The following UNKL variants were observed in gnomAD, a reference collection of about 807,000 sequenced individuals.
UNKL encodes the protein unk like zinc finger.
UNKL carries 60 observed loss-of-function variants against 78.0 expected under a neutral mutation model. The ratio of observed to expected loss-of-function variants is 0.77; its 90% confidence interval spans 0.63 to 0.95. UNKL has a LOEUF of 0.95. Among genes scored for constraint, UNKL ranks in the 40% least tolerant of loss-of-function variants. The pLI, the probability that UNKL is intolerant of heterozygous loss-of-function variation, is 0.00. For missense variants in UNKL, 1,159 were observed against 1,045.7 expected (o/e 1.11, Z -1.49); for synonymous variants, 608 against 474.8 (o/e 1.28, Z -3.65).
Position 1,367,184 on chromosome 16 carries a change from G to C in UNKL, c.1954C>G (p.Leu652Val). Reference sequence around the variant, plus strand: ...GTGCCGATGTCCCCACAGCCCCGCAGCCCCGGCAGTGTGGAGGCTACGCCC... The same window carrying C: ...GTGCCGATGTCCCCACAGCCCCGCACCCCCGGCAGTGTGGAGGCTACGCCC... ...GLGVASTLPG[L>V]RGCGDIGTIP... The change falls in exon 14 of 15, where the codon CTG becomes GTG. Residue 652 changes from leucine (L) to valine (V), a missense_variant. By Grantham distance (32) the Leu-to-Val change is conservative. Transcript: ENST00000389221. 6.2e-7 allele frequency: 1 copy of C among 1,606,062 alleles called. No homozygotes were observed. Among genetic ancestry groups the C allele is most frequent in the Non-Finnish European group, 8.5e-7 (1 of 1,178,250 alleles).
intron 2 of UNKL, among the ~76,000 whole-genome samples, chr16:1,406,425 C>T (rs186246531): frequency 1.3e-5 from 2 of 152,142 alleles, no homozygotes; most frequent in Admixed American, 6.5e-5. Flanking sequence ...GTTGACCAGG[C>T]TGGTCTTGAA....
rs1048193396 is a variant in UNKL, at chr16:1,403,757, G to C, written c.288-413C>G. Among the ~76,000 whole-genome samples the C allele has an allele frequency of 1.3e-5, 2 of 152,216 alleles. No individual in the cohort carries two copies. The highest frequency in any genetic ancestry group is 2.9e-5 in the Non-Finnish European group (2 of 68,032). ...CTTCCTTACCCGTCGCAGTCACAAAGTGGGGGCCCCTCCTGCCCAGCGTCC... is the reference window on the plus strand; with the variant it reads ...CTTCCTTACCCGTCGCAGTCACAAACTGGGGGCCCCTCCTGCCCAGCGTCC... On this transcript the variant is annotated intron_variant, in intron 2 of 14. Coordinates refer to ENST00000389221, the MANE Select transcript of UNKL (RefSeq NM_001372107.1). This position sits in a 1 kb window ranked among gnomAD's most constrained non-coding sequence, Gnocchi z 4.8.
At position 1,364,418 on chromosome 16, in the gene UNKL, G is replaced by C. The variant is rs992624133; in HGVS notation, c.*1822C>G. ...TATTAAAAGTCTTTGGCAAAGCCACGGTCGGGGAGAAACACGTCGGTGCCG... is the reference window on the plus strand; with the variant it reads ...TATTAAAAGTCTTTGGCAAAGCCACCGTCGGGGAGAAACACGTCGGTGCCG... On this transcript the variant is annotated 3_prime_UTR_variant, in exon 15 of 15. Transcript: ENST00000389221. 1 of 152,232 alleles carries C rather than the reference G, an allele frequency of 6.6e-6. No homozygotes were observed. Among genetic ancestry groups the C allele is most frequent in the East Asian group, 1.9e-4 (1 of 5,206 alleles). 9.4% of individuals were successfully genotyped at this position (152,232 alleles called of 1,614,324 possible).
At chr16:1,385,581 C>T (rs1310957385) in intron 9 of UNKL, among the ~76,000 whole-genome samples, 196 bp from the exon 10 acceptor site, 2 of 152,242 alleles carry the variant, frequency 1.3e-5, no homozygotes, top group East Asian at 1.9e-4. Flanking sequence ...CAGCGGGCTA[C>T]GGTGCACTTG....
intron 2 of UNKL, among the ~76,000 whole-genome samples, chr16:1,409,802 C>T (rs551037404): frequency 3.3e-5 from 5 of 152,172 alleles, no homozygotes; most frequent in African/African-American, 4.8e-5. Flanking sequence ...CTTATGAGGC[C>T]GGGCGCGGTG....
chr16:1,366,656 G>A (rs184208342), intron 14 of UNKL, among the ~76,000 whole-genome samples: 87 of 152,324 alleles, frequency 5.7e-4, no homozygotes, highest in African/African-American at 2.0e-3. Flanking sequence ...GGCCAGACAG[G>A]CCAGGCCCCT....
rs368231228 is a variant in UNKL at position 1,413,930 on chromosome 16, C to A, written c.203G>T (p.Arg68Met). 9.0e-6 allele frequency: 14 copies of A among 1,557,260 alleles called. No individual in the cohort carries two copies. The highest frequency in any genetic ancestry group is 1.2e-5 in the Non-Finnish European group (14 of 1,150,622). ...GCTGTAGTTGAAGGTGCCGTCGCGCCTGCGGAGGGGCCTGCGGCGCCGCTG... is the reference window on the plus strand; with the variant it reads ...GCTGTAGTTGAAGGTGCCGTCGCGCATGCGGAGGGGCCTGCGGCGCCGCTG... ...LNQRRRRPLR[R>M]RDGTFNYSPD... Residue 68 changes from arginine (R) to methionine (M), a missense_variant, in exon 2 of 15, where the codon AGG becomes ATG. By Grantham distance (91) the Arg-to-Met change is moderately conservative (BLOSUM62 -1). Coordinates refer to ENST00000389221, the MANE Select transcript of UNKL (RefSeq NM_001372107.1).
At chr16:1,397,949 C>T (rs1389561323) in intron 5 of UNKL, among the ~76,000 whole-genome samples, 4 of 152,246 alleles carry the variant, frequency 2.6e-5, no homozygotes, top group Non-Finnish European at 5.9e-5. Context: ...TCTGCGCTCA[C>T]GGACACGCAG....
chr16:1,366,488 C>A (rs2035264019), intron 14 of UNKL, 93 bp from the exon 15 acceptor site: 2 of 1,409,202 alleles, frequency 1.4e-6, no homozygotes, highest in Admixed American at 2.8e-5. Flanking sequence ...GACTCAGCAT[C>A]TCAGGCCGCC....
chr16:1,374,237 G>A (rs1334097312), intron 10 of UNKL, among the ~76,000 whole-genome samples: 2 of 152,180 alleles, frequency 1.3e-5, no homozygotes, highest in Non-Finnish European at 2.9e-5. Context: ...CGCCCTCCCC[G>A]CTGCCCACCT....
chr16:1,405,706 C>T (rs1034634127), intron 2 of UNKL, among the ~76,000 whole-genome samples: 4 of 151,834 alleles, frequency 2.6e-5, no homozygotes, highest in Non-Finnish European at 5.9e-5. Flanking sequence ...AGGGGACGCA[C>T]GAGCCCCCGG....
intron 13 of UNKL, 147 bp from the exon 14 acceptor site, chr16:1,367,496 CCCT>C: frequency 4.0e-6 from 3 of 742,696 alleles, no homozygotes; most frequent in African/African-American, 5.3e-5. Context: ...CTCCCTCCCT[CCCT>C]CCCTCCCTCC....
intron 2 of UNKL, among the ~76,000 whole-genome samples, chr16:1,406,410 A>G (rs2037766242): frequency 6.6e-6 from 1 of 152,048 alleles, no homozygotes; most frequent in Non-Finnish European, 1.5e-5. Context: ...ACAGGGTTTC[A>G]CCATGTTGAC....
At chr16:1,398,632 G>C in intron 5 of UNKL, 1 of 1,436,626 alleles carries the variant, frequency 7.0e-7, no homozygotes. Context: ...CAGGGCCTCA[G>C]GGAGGCCAAG....
chr16:1,371,635 C>G (rs1384120418), intron 10 of UNKL, 24 bp from the exon 11 acceptor site: 2 of 1,534,710 alleles, frequency 1.3e-6, no homozygotes, highest in Non-Finnish European at 1.7e-6. Context: ...CCCCCATCAT[C>G]CACAGCCCAC....
intron 10 of UNKL, chr16:1,379,540 G>T: frequency 6.1e-6 from 6 of 985,304 alleles, no homozygotes; most frequent in Non-Finnish European, 7.2e-6. Flanking sequence ...CACCTGGCGG[G>T]GGGCGCACCT....
chr16:1,382,752 G>C (rs2142076199), intron 10 of UNKL, among the ~76,000 whole-genome samples: 1 of 151,098 alleles, frequency 6.6e-6, no homozygotes, highest in South Asian at 2.1e-4. Flanking sequence ...GAGGTTGGGA[G>C]TTCAAGACCA....
intron 4 of UNKL, among the ~76,000 whole-genome samples, chr16:1,400,758 G>C (rs2037490420): frequency 6.6e-6 from 1 of 152,042 alleles, no homozygotes; most frequent in South Asian, 2.1e-4. Flanking sequence ...CGTGATCTTG[G>C]CTCACTGCAA....
intron 12 of UNKL, chr16:1,368,213 T>A: frequency 2.9e-6 from 1 of 343,548 alleles, no homozygotes; most frequent in Non-Finnish European, 5.4e-6. Context: ...CCTCACACAC[T>A]GAGACTCTCA....
Sources: gnomAD v4.1 joint callset for allele counts (sites outside exome capture counted in the v4.1 genomes callset) on GRCh38, gnomAD v4.1.1 for gene constraint, Gnocchi (gnomAD v3.1) non-coding constraint, MANE v1.5 for transcripts, NCBI Gene and HGNC (gene_info 2026-07-23, HGNC 2026-07-21) for gene names.